The following DUOX2 variants were observed in gnomAD, a reference collection of about 807,000 sequenced individuals.
DUOX2 encodes the protein NADH/NADPH thyroid oxidase p138-tox.
In DUOX2, 185 loss-of-function variants were observed where a neutral mutation model predicts 183.3. The observed-to-expected ratio is 1.01, with a 90% CI of 0.90 to 1.14. The LOEUF (loss-of-function observed/expected upper bound fraction) is 1.14, where lower values mean the gene tolerates loss of function less well. DUOX2 is among the 50% of genes most tolerant of loss of function. DUOX2 has a pLI of 0.00. For synonymous variants in DUOX2, 788 were observed against 812.4 expected (o/e 0.97, Z 0.51); for missense variants, 1,999 against 2,022.9 (o/e 0.99, Z 0.23).
At chr15:45,100,313 A>G (rs968292336) in intron 23 of DUOX2, 85 bp from the exon 24 acceptor site, 11 of 1,378,444 alleles carry the variant, frequency 8.0e-6, no homozygotes, top group Non-Finnish European at 1.1e-5. Flanking sequence ...TGACCTGGGG[A>G]TCTGGCAGGC....
At position 45,112,592 on chromosome 15, in the gene DUOX2, G is replaced by C. The variant is rs762212416; in HGVS notation, c.287C>G (p.Pro96Arg). The C allele has an allele frequency of 3.1e-6, 5 of 1,612,906 alleles. No individual in the cohort carries two copies. The highest frequency in any genetic ancestry group is 2.2e-5 in the East Asian group (1 of 44,864). The change falls in exon 4 of 34, where the codon CCG (proline) becomes CGG (arginine). Residue 96 changes from proline to arginine, a missense_variant. By Grantham distance (103) the Pro-to-Arg change is moderately radical (BLOSUM62 -2). Transcript: ENST00000389039. ...CAGTACGGTGCGGTTGTGGAGCGACGGCAGGCCGGCTATGCCCCGCGTGGC... is the reference window on the plus strand; with the variant it reads ...CAGTACGGTGCGGTTGTGGAGCGACCGCAGGCCGGCTATGCCCCGCGTGGC... ...NAATRGIAGL[P>R]SLHNRTVLGV...
intron 10 of DUOX2, 129 bp from the exon 11 acceptor site, chr15:45,109,755 G>C (rs555975982): frequency 7.6e-7 from 1 of 1,309,916 alleles, no homozygotes; most frequent in Admixed American, 1.8e-5. Context: ...TGTTGTCCCC[G>C]GATAATTTCC....
rs1405098150 is a variant in DUOX2 at position 45,113,964 on chromosome 15, T to C, written c.-15+9A>G. ...AGGGCTAGGGTCAGATCCCAAACTC[T>C]GGTCTAACCTGTGGTTTAGGGTGGT... On this transcript the variant is annotated intron_variant, in intron 1 of 33. Transcript: ENST00000389039. The C allele has an allele frequency of 2.1e-5, 4 of 190,178 alleles. No homozygotes were observed. Among genetic ancestry groups the C allele is most frequent in the Non-Finnish European group, 4.4e-5 (4 of 90,092 alleles). 11.8% of individuals were successfully genotyped at this position (190,178 alleles called of 1,614,324 possible). A position where few individuals can be genotyped will look rare whatever the true frequency, so the allele number is the denominator to read the frequency against.
Position 45,097,597 on chromosome 15 carries a change from C to A in DUOX2, c.3693+17G>T. 1.2e-6 allele frequency: 2 copies of A among 1,614,230 alleles called. No individual in the cohort carries two copies. The highest frequency in any genetic ancestry group is 1.7e-4 in the Middle Eastern group (1 of 6,060). ...TGAGCTCCCTGCTCCATGGGCTGGC[C>A]CAGGGAAGTCCCTCACCAGGGCATA... On this transcript the variant is annotated intron_variant, in intron 28 of 33. Coordinates refer to ENST00000389039, the MANE Select transcript of DUOX2 (RefSeq NM_001363711.2).
At position 45,105,841 on chromosome 15, in the gene DUOX2, AAGGCGGCACTGACGC is replaced by A; in HGVS notation, c.2149-28_2149-14del. On this transcript the variant is annotated splice_polypyrimidine_tract_variant and intron_variant, in intron 17 of 33. Transcript: ENST00000389039. ...TAAACAGCAGCACCTGGGTGGGAGGAAGGCGGCACTGACGCAGGGAGCTCGCTGGACCTTCTGCTT... is the reference window on the plus strand; with the variant it reads ...TAAACAGCAGCACCTGGGTGGGAGGAAGGGAGCTCGCTGGACCTTCTGCTT... 7.4e-6 allele frequency: 12 copies of A among 1,613,822 alleles called. No homozygotes were observed. The highest frequency in any genetic ancestry group is 1.0e-5 in the Non-Finnish European group (12 of 1,179,962).
At chr15:45,108,645 T>C in intron 12 of DUOX2, 144 bp downstream of exon 12, 3 of 937,260 alleles carry the variant, frequency 3.2e-6, no homozygotes, top group Non-Finnish European at 4.9e-6. Context: ...TTACCAACTA[T>C]GTCATCAGTA....
Position 45,103,703 on chromosome 15 carries a change from G to GT in DUOX2, c.2654+256dup, listed in dbSNP as rs75922593. On this transcript the variant is annotated intron_variant, in intron 20 of 33. Transcript: ENST00000389039. ...TTGTCGTTGGCCATATTGGTGTTGG[G>GT]TTTTTTTTTTTCGTTTTTTAACTAG... Among the ~76,000 whole-genome samples the GT allele has an allele frequency of 6.3e-3, 921 of 146,696 alleles. 9 individuals are homozygous for GT. The highest frequency in any genetic ancestry group is 0.021 in the African/African-American group (838 of 40,474).
Position 45,112,698 on chromosome 15 carries a change from C to A in DUOX2, c.181G>T (p.Val61Leu), listed in dbSNP as rs374911163. ...GAVGCRLQRR[V>L]PANYADGVYQ... is the part of the protein sequence containing the mutation. The stretch of plus-strand genomic sequence containing the variant: ...ACACCGTCGGCGTAATTGGCTGGTA[C>A]GCGGCGCTGCAACCGGCAGCCTGCG... Residue 61 changes from valine (V) to leucine (L), a missense_variant, in exon 4 of 34, where the codon GTA becomes TTA. By Grantham distance (32) the Val-to-Leu change is conservative. This residue lies in a region of DUOX2 where 356 missense variants were observed against 356.4 expected (regional missense o/e 1.00). Coordinates refer to ENST00000389039, the MANE Select transcript of DUOX2 (RefSeq NM_001363711.2). 4 of 1,612,080 alleles carry A rather than the reference C, an allele frequency of 2.5e-6. No homozygotes were observed. Among genetic ancestry groups the A allele is most frequent in the East Asian group, 2.2e-5 (1 of 44,882 alleles).
rs1595520376 is a variant in DUOX2 at position 45,098,065 on chromosome 15, G to A, written c.3516-7C>T. 1 of 1,614,036 alleles carries A rather than the reference G, an allele frequency of 6.2e-7. No homozygotes were observed. Among genetic ancestry groups the A allele is most frequent in the South Asian group, 1.1e-5 (1 of 91,078 alleles). On this transcript the variant is annotated splice_region_variant and splice_polypyrimidine_tract_variant and intron_variant, in intron 26 of 33. Coordinates refer to ENST00000389039, the MANE Select transcript of DUOX2 (RefSeq NM_001363711.2). ...CTTCTGGGGAAGCTTGGACCTGGGGGGCAAAGGCACCTTGAGCCTCTGACT... is the reference window on the plus strand; with the variant it reads ...CTTCTGGGGAAGCTTGGACCTGGGGAGCAAAGGCACCTTGAGCCTCTGACT...
chr15:45,100,165 G>A lies in DUOX2; in HGVS notation c.3069C>T (p.Phe1023=). The change falls in exon 24 of 34, where the codon TTC becomes TTT. Residue 1023 remains phenylalanine (F), a synonymous_variant. Coordinates refer to ENST00000389039, the MANE Select transcript of DUOX2 (RefSeq NM_001363711.2). The stretch of plus-strand genomic sequence containing the variant: ...TGTACTGCTGCAGCTTTTGGGCTAG[G>A]AAGCCTCGCTGCATCTTCTCTTGCA... ...EALQEKMQRG[F]LAQKLQQYKR... is the part of the protein sequence containing the mutation. The A allele has an allele frequency of 6.2e-7, 1 of 1,614,166 alleles. No homozygotes were observed. The highest frequency in any genetic ancestry group is 8.5e-7 in the Non-Finnish European group (1 of 1,180,030).
chr15:45,113,392 T>TCTGG lies in DUOX2; in HGVS notation c.16_19dup (p.Glu7AlafsTer34), dbSNP rs1301718118. ...AAGAGCTCCCAGGAGCATCAGTGCC[T>TCTGG]CTGGTCTTGCACGGAGCATGCCAAC... On this transcript the variant is annotated frameshift_variant, in exon 2 of 34. Coordinates refer to ENST00000389039, the MANE Select transcript of DUOX2 (RefSeq NM_001363711.2). LOFTEE classifies it high-confidence loss of function. The TCTGG allele has an allele frequency of 8.9e-6, 14 of 1,565,900 alleles. No homozygotes were observed. The highest frequency in any genetic ancestry group is 1.0e-5 in the Non-Finnish European group (12 of 1,154,036).
intron 10 of DUOX2, 38 bp from the exon 11 acceptor site, chr15:45,109,664 C>A: frequency 6.2e-7 from 1 of 1,603,460 alleles, no homozygotes; most frequent in Non-Finnish European, 8.5e-7. Flanking sequence ...GGCCTCTACC[C>A]AAAACTCGGT....
chr15:45,095,101 C>G lies in DUOX2; in HGVS notation c.4240-10G>C, dbSNP rs757899870. 2 of 1,612,694 alleles carry G rather than the reference C, an allele frequency of 1.2e-6. No homozygotes were observed. Among genetic ancestry groups the G allele is most frequent in the Admixed American group, 3.3e-5 (2 of 59,986 alleles). On this transcript the variant is annotated splice_polypyrimidine_tract_variant and intron_variant, in intron 31 of 33. Transcript: ENST00000389039. ...CCCAGATGAAGTAGATCTGGGGACA[C>G]AGGGCTGGAGATCAGGACCCAGCTC... is the stretch of plus-strand genomic sequence containing the variant.
At chr15:45,096,163 T>A in intron 29 of DUOX2, 103 bp from the exon 30 acceptor site, 2 of 1,012,468 alleles carry the variant, frequency 2.0e-6, no homozygotes, top group Admixed American at 1.9e-5. Flanking sequence ...GCCTGGGGAG[T>A]AGTCACATGG....
Position 45,106,149 on chromosome 15 carries a change from G to A in DUOX2, c.2124C>T (p.Leu708=). 6.2e-7 allele frequency: 1 copy of A among 1,614,192 alleles called. No homozygotes were observed. The highest frequency in any genetic ancestry group is 2.2e-5 in the East Asian group (1 of 44,880). Residue 708 remains leucine, a synonymous_variant, in exon 17 of 34, where the codon CTC becomes CTT. Coordinates refer to ENST00000389039, the MANE Select transcript of DUOX2 (RefSeq NM_001363711.2). ...CCAGGTCATACTCCTTAGGGATCTT[G>A]AGCAGCAGGGTGCGGCATCCTCGGT... is the stretch of plus-strand genomic sequence containing the variant. The part of the protein sequence containing the change: ...SNNRGCRTLL[L]KIPKEYDLVL...
rs947526002 is a variant in DUOX2 at position 45,097,609 on chromosome 15, C to G, written c.3693+5G>C. The G allele has an allele frequency of 6.8e-6, 11 of 1,614,134 alleles. No individual in the cohort carries two copies. Among genetic ancestry groups the G allele is most frequent in the African/African-American group, 6.7e-5 (5 of 74,952 alleles). On this transcript the variant is annotated splice_donor_5th_base_variant and intron_variant, in intron 28 of 33. Coordinates refer to ENST00000389039, the MANE Select transcript of DUOX2 (RefSeq NM_001363711.2). The stretch of plus-strand genomic sequence containing the variant: ...TCCATGGGCTGGCCCAGGGAAGTCC[C>G]TCACCAGGGCATAGAGCAGGATGTA...
Position 45,106,128 on chromosome 15 carries a change from G to A in DUOX2, c.2145C>T (p.Asp715=), listed in dbSNP as rs768361949. The stretch of plus-strand genomic sequence containing the variant: ...GGGGAGGCAGGACGAGCCATACCAG[G>A]TCATACTCCTTAGGGATCTTGAGCA... ...TLLLKIPKEY[D]LVLLFSSEEE... is the part of the protein sequence containing the mutation. Residue 715 remains aspartate (D), a synonymous_variant, in exon 17 of 34, where the codon GAC becomes GAT. Coordinates refer to ENST00000389039, the MANE Select transcript of DUOX2 (RefSeq NM_001363711.2). The A allele has an allele frequency of 7.4e-6, 12 of 1,614,054 alleles. No individual in the cohort carries two copies. Among genetic ancestry groups the A allele is most frequent in the South Asian group, 6.6e-5 (6 of 91,082 alleles).
In DUOX2 at chr15:45,110,695, C is replaced by T. The variant is rs140455650; in HGVS notation, c.898G>A (p.Glu300Lys). Reference protein sequence around the residue: ...IATYQNIAVYEWLPSFLQKTL... With the variant: ...IATYQNIAVYKWLPSFLQKTL... ...TTCTGCAGGAAGCTGGGCAGCCACTCATACACAGCGATGTTCTGAGGGGCA... is the reference window on the plus strand; with the variant it reads ...TTCTGCAGGAAGCTGGGCAGCCACTTATACACAGCGATGTTCTGAGGGGCA... Residue 300 changes from glutamate (E) to lysine (K), a missense_variant, in exon 8 of 34, where the codon GAG becomes AAG. Physicochemically the swap from Glu to Lys is moderately conservative, Grantham distance 56. Around this residue, in one of 3 missense-constraint regions of DUOX2, gnomAD observed 1,628 missense variants for 1,608.6 expected, o/e 1.01. Coordinates refer to ENST00000389039, the MANE Select transcript of DUOX2 (RefSeq NM_001363711.2). The T allele has an allele frequency of 3.7e-6, 6 of 1,612,208 alleles. No homozygotes were observed. The highest frequency in any genetic ancestry group is 2.7e-5 in the African/African-American group (2 of 74,828).
At chr15:45,112,945 C>A in intron 3 of DUOX2, 42 bp downstream of exon 3, 1 of 1,606,114 alleles carries the variant, frequency 6.2e-7, no homozygotes, top group South Asian at 1.1e-5. Flanking sequence ...CCCGGCCCTT[C>A]GCGAGCCACG....
Sources: gnomAD v4.1 joint callset for allele counts (sites outside exome capture counted in the v4.1 genomes callset) on GRCh38, gnomAD v4.1.1 for gene constraint, gnomAD v4.1.1 regional missense constraint, MANE v1.5 for transcripts, NCBI Gene and HGNC (gene_info 2026-07-23, HGNC 2026-07-21) for gene names.